The following SCML4 variants were observed in gnomAD, a reference collection of about 807,000 sequenced individuals.
SCML4 encodes the protein sex comb on midleg-like protein 4.
SCML4 carries 34 observed loss-of-function variants against 41.1 expected under a neutral mutation model. The observed-to-expected ratio is 0.83, with a 90% CI of 0.63 to 1.10. The LOEUF (loss-of-function observed/expected upper bound fraction) is 1.10. Among genes scored for constraint, SCML4 ranks in the 50% least tolerant of loss-of-function variants. The pLI is 0.00. For missense variants in SCML4, 522 were observed against 534.1 expected (o/e 0.98, Z 0.22); for synonymous variants, 214 against 220.9 (o/e 0.97, Z 0.28).
intron 1 of SCML4, among the ~76,000 whole-genome samples, chr6:107,809,292 T>C (rs569469491): frequency 1.3e-4 from 20 of 152,358 alleles, no homozygotes; most frequent in Non-Finnish European, 2.5e-4. Flanking sequence ...CAATTTCTAT[T>C]GTTTCTAAAT....
the SCML4 span, among the ~76,000 whole-genome samples, chr6:107,829,765 C>T: frequency 7.1e-5 from 8 of 111,938 alleles, no homozygotes; most frequent in South Asian, 1.4e-3. Flanking sequence ...AATAAACAAA[C>T]AAATAAATAA....
At position 107,772,472 on chromosome 6, in the gene SCML4, T is replaced by A. The variant is rs192612608; in HGVS notation, c.-59-86A>T. 1.7e-4 allele frequency: 122 copies of A among 737,200 alleles called. No individual in the cohort carries two copies. The African/African-American group carries it at 2.0e-3, about 12-fold the overall frequency. The allele number at this position is 737,200 out of a possible 1,614,324, so 45.7% of individuals were successfully genotyped here. On this transcript the variant is annotated intron_variant, in intron 1 of 7. Coordinates refer to ENST00000369020, the MANE Select transcript of SCML4 (RefSeq NM_198081.5). ...GCAAACATGATCCTGTCTGGTGATT[T>A]TGGCGATACCTACCACTTATTGGAG...
At chr6:107,777,433 A>T (rs1019546699) in intron 1 of SCML4, among the ~76,000 whole-genome samples, 2 of 152,150 alleles carry the variant, frequency 1.3e-5, no homozygotes, top group Non-Finnish European at 2.9e-5. Context: ...CAGAATTTTT[A>T]AAATCAGAAT....
At chr6:107,832,080 GAA>G in the SCML4 span, among the ~76,000 whole-genome samples, 1 of 141,670 alleles carries the variant, frequency 7.1e-6, no homozygotes, top group South Asian at 2.3e-4. Flanking sequence ...AAAAAAGAAA[GAA>G]AGAAAAATTA....
At chr6:107,803,217 T>G (rs1783379119) in intron 1 of SCML4, among the ~76,000 whole-genome samples, 1 of 128,854 alleles carries the variant, frequency 7.8e-6, no homozygotes, top group African/African-American at 2.9e-5. Flanking sequence ...GTCTGAGATG[T>G]GGGGAGCGCC....
intron 7 of SCML4, among the ~76,000 whole-genome samples, chr6:107,706,061 C>G (rs6930391): frequency 0.87 from 133,006 of 152,134 alleles, 58,286 homozygotes; most frequent in South Asian, 0.92. Context: ...GTAGAAATTT[C>G]AGGTGCTCAA....
At chr6:107,719,052 T>A (rs1775106587) in intron 6 of SCML4, 1 of 152,258 alleles carries the variant, frequency 6.6e-6, no homozygotes, top group Non-Finnish European at 1.5e-5. Context: ...GCCCCTGGTT[T>A]ACTTTACAGT....
chr6:107,741,811 T>C (rs1369727973), intron 5 of SCML4, among the ~76,000 whole-genome samples: 4 of 152,154 alleles, frequency 2.6e-5, no homozygotes, highest in Non-Finnish European at 4.4e-5. Context: ...TAAGCAAATA[T>C]ATCCAATAAA....
intron 1 of SCML4, among the ~76,000 whole-genome samples, chr6:107,786,074 A>G (rs1461657566): frequency 6.6e-6 from 1 of 152,202 alleles, no homozygotes; most frequent in Non-Finnish European, 1.5e-5. Flanking sequence ...CTCCTAGCTC[A>G]TTCCAGAAGG....
At chr6:107,708,276 A>G (rs1773872884) in intron 6 of SCML4, among the ~76,000 whole-genome samples, 1 of 152,020 alleles carries the variant, frequency 6.6e-6, no homozygotes, top group Admixed American at 6.6e-5. Flanking sequence ...GAAGCACTAG[A>G]CAGTGGATTC....
At chr6:107,792,838 C>T (rs1041981036) in intron 1 of SCML4, among the ~76,000 whole-genome samples, 2 of 152,032 alleles carry the variant, frequency 1.3e-5, no homozygotes, top group Admixed American at 6.6e-5. Context: ...TTGCTAATGA[C>T]AAACCTCACT....
chr6:107,806,641 G>T (rs1356466360), intron 1 of SCML4, among the ~76,000 whole-genome samples: 1 of 152,184 alleles, frequency 6.6e-6, no homozygotes, highest in East Asian at 1.9e-4. Flanking sequence ...GAAGTGGCTG[G>T]CTTTGAGTAT....
chr6:107,705,244 T>C lies in SCML4; in HGVS notation c.1201A>G (p.Lys401Glu). The C allele has an allele frequency of 1.3e-6, 2 of 1,551,724 alleles. No individual in the cohort carries two copies. The highest frequency in any genetic ancestry group is 1.7e-6 in the Non-Finnish European group (2 of 1,146,902). The change falls in exon 8 of 8, where the codon AAA becomes GAA. Residue 401 changes from lysine to glutamate, a missense_variant. Transcript: ENST00000369020. ...AGTTTGTCAATGTGGTAGCAGAGTT[T>C]CAGTGCAGGTCCCAGCTTCAGGCCC... ...YLGLKLGPAL[K>E]LCYHIDKLKQ...
At chr6:107,737,881 C>CA (rs1777227517) in intron 5 of SCML4, among the ~76,000 whole-genome samples, 1 of 151,740 alleles carries the variant, frequency 6.6e-6, no homozygotes, top group African/African-American at 2.4e-5. Flanking sequence ...ATTTGTACCC[C>CA]AAAAACTTGT....
rs9486679 is a variant in SCML4 at position 107,721,859 on chromosome 6, A to G, written c.683-866T>C. Reference sequence around the variant, plus strand: ...AAGTGCTGATCTGGATAGCCCCACAATCCTCCCCAAACCCTTCACAGGAGA... The same window carrying G: ...AAGTGCTGATCTGGATAGCCCCACAGTCCTCCCCAAACCCTTCACAGGAGA... On this transcript the variant is annotated intron_variant, in intron 5 of 7. Coordinates refer to ENST00000369020, the MANE Select transcript of SCML4 (RefSeq NM_198081.5). Among the ~76,000 whole-genome samples the G allele has an allele frequency of 8.9e-3, 1,348 of 152,206 alleles. 17 individuals carry two copies. The highest frequency in any genetic ancestry group is 0.029 in the African/African-American group (1,210 of 41,532).
chr6:107,837,947 G>A, the SCML4 span, among the ~76,000 whole-genome samples: 48 of 132,352 alleles, frequency 3.6e-4, no homozygotes, highest in Admixed American at 2.6e-3. Context: ...TTGCTCTGTC[G>A]CCCAGGTTGG....
the SCML4 span, among the ~76,000 whole-genome samples, chr6:107,831,031 G>A: frequency 1.3e-5 from 2 of 152,100 alleles, no homozygotes; most frequent in African/African-American, 4.8e-5. Context: ...ACCTCTATGT[G>A]TGCGCCAAAG....
At position 107,749,829 on chromosome 6, in the gene SCML4, C is replaced by CATTTGGTCA. The variant is rs1562216591; in HGVS notation, c.157-25_157-17dup. On this transcript the variant is annotated splice_polypyrimidine_tract_variant and intron_variant, in intron 2 of 7. Coordinates refer to ENST00000369020, the MANE Select transcript of SCML4 (RefSeq NM_198081.5). ...GAGACTTGATCTGGAAGAGAGAGCC[C>CATTTGGTCA]ATTTGGTCAATGAGAATCTGGCAAT... is the stretch of plus-strand genomic sequence containing the variant. 1 of 1,613,786 alleles carries CATTTGGTCA rather than the reference C, an allele frequency of 6.2e-7. No homozygotes were observed.
intron 1 of SCML4, among the ~76,000 whole-genome samples, chr6:107,792,052 A>G (rs1207028691): frequency 6.6e-6 from 1 of 152,248 alleles, no homozygotes; most frequent in Admixed American, 6.5e-5. Flanking sequence ...TAGGTGGGAA[A>G]TCAGAGGACT....
Sources: allele counts gnomAD v4.1 joint callset (sites outside exome capture counted in the v4.1 genomes callset), GRCh38; gene constraint gnomAD v4.1.1; transcripts MANE v1.5; gene names NCBI Gene and HGNC (gene_info 2026-07-23, HGNC 2026-07-21).